Variants in CNTNAP2 observed in about 807,000 individuals in gnomAD.
CNTNAP2 encodes the protein contactin-associated protein-like 2.
Under a neutral mutation model 155.2 loss-of-function variants are expected in CNTNAP2, and 98 were observed. The observed-to-expected ratio is 0.63, with a 90% confidence interval of 0.54 to 0.75. The LOEUF (loss-of-function observed/expected upper bound fraction) is 0.75, where lower values mean the gene tolerates loss of function less well. CNTNAP2 is among the 30% of genes least tolerant of loss of function. CNTNAP2 has a pLI of 0.00. For synonymous variants in CNTNAP2, 651 were observed against 631.2 expected (o/e 1.03, Z -0.47); for missense variants, 1,727 against 1,688.1 (o/e 1.02, Z -0.40).
intron 8 of CNTNAP2, among the ~76,000 whole-genome samples, chr7:147,151,881 G>T (rs912423283): frequency 2.6e-5 from 4 of 152,058 alleles, no homozygotes; most frequent in Non-Finnish European, 5.9e-5. Flanking sequence ...TCTATCTTTG[G>T]CTTTCATGCA....
chr7:146,905,544 A>G (rs117861551), intron 3 of CNTNAP2, among the ~76,000 whole-genome samples: 58 of 152,244 alleles, frequency 3.8e-4, no homozygotes, highest in Non-Finnish European at 6.8e-4. Flanking sequence ...AAGAAAGTGT[A>G]TAGAATTTAG....
intron 13 of CNTNAP2, chr7:147,849,785 A>G (rs897931143): frequency 1.3e-5 from 2 of 152,246 alleles, no homozygotes. Context: ...TGAGATGGTC[A>G]TCACTTTCAC....
At chr7:146,630,570 G>A (rs1237062203) in intron 1 of CNTNAP2, among the ~76,000 whole-genome samples, 3 of 152,130 alleles carry the variant, frequency 2.0e-5, no homozygotes, top group African/African-American at 4.8e-5. Flanking sequence ...CTTCCACAAT[G>A]GTTGAACTGA....
chr7:147,524,866 C>G (rs1401703750), intron 11 of CNTNAP2, among the ~76,000 whole-genome samples: 1 of 152,176 alleles, frequency 6.6e-6, no homozygotes, highest in Non-Finnish European at 1.5e-5. Flanking sequence ...CCAGTAGAAG[C>G]CTGAGTCATA....
intron 1 of CNTNAP2, among the ~76,000 whole-genome samples, chr7:146,280,773 A>T (rs943208878): frequency 2.0e-5 from 3 of 152,166 alleles, no homozygotes; most frequent in Non-Finnish European, 4.4e-5. Context: ...AGCCAGCTTT[A>T]CTAACTCCTG....
chr7:147,511,313 A>G (rs1288022266), intron 11 of CNTNAP2, among the ~76,000 whole-genome samples: 8 of 152,058 alleles, frequency 5.3e-5, no homozygotes, highest in Admixed American at 4.6e-4. Context: ...TCTGATCTTC[A>G]TACACTATTT....
intron 20 of CNTNAP2, among the ~76,000 whole-genome samples, chr7:148,237,783 A>G (rs1404913710): frequency 1.3e-5 from 2 of 152,240 alleles, no homozygotes; most frequent in African/African-American, 2.4e-5. Flanking sequence ...GCAGCACCAA[A>G]TGTTAATTGA....
At chr7:146,583,608 T>C (rs1437563277) in intron 1 of CNTNAP2, among the ~76,000 whole-genome samples, 2 of 152,162 alleles carry the variant, frequency 1.3e-5, no homozygotes, top group African/African-American at 4.8e-5. Context: ...TATAAAATAA[T>C]TGAAAAAATA....
chr7:146,212,193 T>A (rs1461264103), intron 1 of CNTNAP2, among the ~76,000 whole-genome samples: 2 of 152,176 alleles, frequency 1.3e-5, no homozygotes, highest in Non-Finnish European at 2.9e-5. Flanking sequence ...AAACAATTAA[T>A]CACTGGGGGT....
chr7:146,707,513 T>A (rs905400220), intron 1 of CNTNAP2, among the ~76,000 whole-genome samples: 3 of 152,134 alleles, frequency 2.0e-5, no homozygotes, highest in African/African-American at 7.2e-5. Context: ...GGTTCTCTCT[T>A]AGAAACTCTT....
intron 8 of CNTNAP2, among the ~76,000 whole-genome samples, chr7:147,185,785 A>G (rs1449856709): frequency 6.6e-6 from 1 of 152,132 alleles, no homozygotes; most frequent in African/African-American, 2.4e-5. Context: ...CCATGTGTCG[A>G]GGGAGGTACC....
intron 1 of CNTNAP2, among the ~76,000 whole-genome samples, chr7:146,202,851 G>C (rs942440328): frequency 6.6e-6 from 1 of 152,232 alleles, no homozygotes; most frequent in Middle Eastern, 3.4e-3. Context: ...GACAACAGTT[G>C]TCTTTGGTAG....
intron 14 of CNTNAP2, among the ~76,000 whole-genome samples, chr7:147,915,027 A>G (rs1262232817): frequency 6.6e-6 from 1 of 152,210 alleles, no homozygotes; most frequent in Non-Finnish European, 1.5e-5. Flanking sequence ...CCATGAACAC[A>G]TTTAACCTGA....
chr7:147,395,735 G>A lies in CNTNAP2; in HGVS notation c.1625G>A (p.Gly542Glu), dbSNP rs372532510. ...NLYEVAQRKP[G>E]SFANVSIDMC... The stretch of plus-strand genomic sequence containing the variant: ...TACGAAGTGGCACAAAGGAAGCCGG[G>A]AAGTTTCGCGAATGTCAGCATTGAC... Residue 542 changes from glycine to glutamate, a missense_variant, in exon 10 of 24, where the codon GGA (glycine) becomes GAA (glutamate). By Grantham distance (98) the Gly-to-Glu change is moderately conservative. Coordinates refer to ENST00000361727, the MANE Select transcript of CNTNAP2 (RefSeq NM_014141.6). 23 of 1,612,510 alleles carry A rather than the reference G, an allele frequency of 1.4e-5. No individual in the cohort carries two copies. The highest frequency in any genetic ancestry group is 2.2e-5 in the East Asian group (1 of 44,832).
chr7:146,253,531 T>C (rs1357138789), intron 1 of CNTNAP2, among the ~76,000 whole-genome samples: 1 of 152,258 alleles, frequency 6.6e-6, no homozygotes, highest in East Asian at 1.9e-4. Context: ...TCTTTATTCC[T>C]ATTTTATTTT....
chr7:146,415,067 G>T (rs1795919000), intron 1 of CNTNAP2, among the ~76,000 whole-genome samples: 1 of 152,202 alleles, frequency 6.6e-6, no homozygotes, highest in South Asian at 2.1e-4. Flanking sequence ...CAAGTTTTGT[G>T]TGCCTAGTGA....
At chr7:146,646,221 AGTTCATGAACAT>A in intron 1 of CNTNAP2, among the ~76,000 whole-genome samples, 1 of 152,278 alleles carries the variant, frequency 6.6e-6, no homozygotes, top group African/African-American at 2.4e-5. Context: ...CACATAATGT[AGTTCATGAACAT>A]GTTCGAGAAG....
chr7:147,513,839 A>G (rs1232718088), intron 11 of CNTNAP2, among the ~76,000 whole-genome samples: 1 of 152,262 alleles, frequency 6.6e-6, no homozygotes. Flanking sequence ...CACCCGGGGG[A>G]TATGCGTTTT....
intron 9 of CNTNAP2, among the ~76,000 whole-genome samples, chr7:147,340,561 G>C (rs729565): frequency 0.16 from 24,874 of 151,970 alleles, 2,352 homozygotes; most frequent in East Asian, 0.35. Flanking sequence ...TCTCCTCATA[G>C]TATCTTTTGC....
Sources: allele counts gnomAD v4.1 joint callset (sites outside exome capture counted in the v4.1 genomes callset), GRCh38; gene constraint gnomAD v4.1.1; transcripts MANE v1.5; gene names NCBI Gene and HGNC (gene_info 2026-07-23, HGNC 2026-07-21).